The following MARCHF6 variants were observed in gnomAD, a reference collection of about 807,000 sequenced individuals.
The protein encoded by MARCHF6 is E3 ubiquitin-protein ligase MARCHF6.
MARCHF6 carries 31 observed loss-of-function variants against 133.7 expected under a neutral mutation model. The observed-to-expected ratio is 0.23, with a 90% confidence interval of 0.17 to 0.31. MARCHF6 has a LOEUF of 0.31. Among genes scored for constraint, MARCHF6 ranks in the 10% least tolerant of loss-of-function variants. The pLI, the probability that MARCHF6 is intolerant of heterozygous loss-of-function variation, is 1.00. For missense variants in MARCHF6, 723 were observed against 1,121.6 expected (o/e 0.64, Z 5.08); for synonymous variants, 395 against 402.5 (o/e 0.98, Z 0.22).
intron 15 of MARCHF6, 45 bp downstream of exon 15, chr5:10,403,586 A>G (rs1296851707): frequency 6.4e-7 from 1 of 1,552,412 alleles, no homozygotes; most frequent in East Asian, 2.3e-5. Flanking sequence ...TATAAAAAGG[A>G]CTTTTGCTTT....
chr5:10,378,732 T>A (rs1260048078), intron 2 of MARCHF6, 27 bp from the exon 3 acceptor site: 1 of 1,372,372 alleles, frequency 7.3e-7, no homozygotes, highest in Non-Finnish European at 1.0e-6. Flanking sequence ...GTAAACACTG[T>A]ACTTATGAAT....
At chr5:10,397,605 A>G (rs1321697872) in intron 10 of MARCHF6, among the ~76,000 whole-genome samples, 1 of 151,848 alleles carries the variant, frequency 6.6e-6, no homozygotes. Context: ...AGCTGGTTTT[A>G]GACCGACTTG....
intron 1 of MARCHF6, among the ~76,000 whole-genome samples, chr5:10,363,997 G>A (rs1313468782): frequency 6.6e-6 from 1 of 152,156 alleles, no homozygotes; most frequent in Non-Finnish European, 1.5e-5. Context: ...GTTTCCTTTT[G>A]GGATGATGAT....
At chr5:10,424,690 A>C (rs1013728480) in intron 23 of MARCHF6, among the ~76,000 whole-genome samples, 3 of 152,206 alleles carry the variant, frequency 2.0e-5, no homozygotes, top group Admixed American at 6.5e-5. Flanking sequence ...GGTTGATATT[A>C]ATGTTTCTAA....
chr5:10,374,483 C>T (rs559374226), intron 1 of MARCHF6, among the ~76,000 whole-genome samples: 1 of 152,248 alleles, frequency 6.6e-6, no homozygotes, highest in African/African-American at 2.4e-5. Context: ...CGTGGGCTGC[C>T]TGGATACTGC....
In MARCHF6 at chr5:10,402,197, T is replaced by C. The variant is rs955992734; in HGVS notation, c.1053+58T>C. 21 of 1,241,136 alleles carry C rather than the reference T, an allele frequency of 1.7e-5. No individual in the cohort carries two copies. The Admixed American group carries it at 3.8e-4, about 22-fold the overall frequency. The allele number at this position is 1,241,136 out of a possible 1,614,324, so 76.9% of individuals were successfully genotyped here. A position where few individuals can be genotyped will look rare whatever the true frequency, so the allele number is the denominator to read the frequency against. ...TAATATTATTCATACCAAAGAACTC[T>C]TCATTAATGGCGAAACTTGTCTATC... is the stretch of plus-strand genomic sequence containing the variant. On this transcript the variant is annotated intron_variant, in intron 12 of 25. Coordinates refer to ENST00000274140, the MANE Select transcript of MARCHF6 (RefSeq NM_005885.4).
At chr5:10,425,716 C>T (rs1248805861) in intron 23 of MARCHF6, among the ~76,000 whole-genome samples, 2 of 152,196 alleles carry the variant, frequency 1.3e-5, no homozygotes, top group East Asian at 1.9e-4. Context: ...AAGAAAATAA[C>T]AGCCTTCTAA....
chr5:10,359,281 G>A (rs958366118), intron 1 of MARCHF6, among the ~76,000 whole-genome samples: 1 of 152,176 alleles, frequency 6.6e-6, no homozygotes, highest in African/African-American at 2.4e-5. Flanking sequence ...GTTTGTAGCT[G>A]TGGTTGCTGG....
intron 5 of MARCHF6, among the ~76,000 whole-genome samples, chr5:10,388,344 T>A (rs187060352): frequency 2.0e-5 from 3 of 152,330 alleles, no homozygotes; most frequent in Non-Finnish European, 2.9e-5. Flanking sequence ...TGTTTTACAC[T>A]CTCTATAGAA....
At chr5:10,420,604 G>T (rs1739775483) in intron 22 of MARCHF6, among the ~76,000 whole-genome samples, 1 of 152,234 alleles carries the variant, frequency 6.6e-6, no homozygotes, top group South Asian at 2.1e-4. Flanking sequence ...CTGTTAGCCA[G>T]GCCTTAGTGT....
chr5:10,403,300 A>G, intron 14 of MARCHF6, 107 bp from the exon 15 acceptor site: 5 of 1,060,208 alleles, frequency 4.7e-6, no homozygotes, highest in African/African-American at 1.6e-5. Flanking sequence ...AGTTCTAGGA[A>G]TTGTTCCTTG....
intron 1 of MARCHF6, among the ~76,000 whole-genome samples, chr5:10,354,908 ATAT>A (rs1217327435): frequency 6.6e-6 from 1 of 152,178 alleles, no homozygotes; most frequent in African/African-American, 2.4e-5. Flanking sequence ...AAAAAGTTTG[ATAT>A]TATCTATGTA....
intron 10 of MARCHF6, among the ~76,000 whole-genome samples, chr5:10,398,510 A>G (rs533753402): frequency 2.6e-5 from 4 of 151,974 alleles, no homozygotes; most frequent in Admixed American, 2.6e-4. Context: ...GGGTGTCTGT[A>G]TGTTATCCTG....
intron 1 of MARCHF6, among the ~76,000 whole-genome samples, chr5:10,373,889 T>G (rs1736610740): frequency 6.6e-6 from 1 of 152,150 alleles, no homozygotes; most frequent in South Asian, 2.1e-4. Context: ...GTTCAGCTCC[T>G]ATATAGATAA....
At chr5:10,415,180 A>G (rs890769178) in intron 20 of MARCHF6, among the ~76,000 whole-genome samples, 3 of 152,214 alleles carry the variant, frequency 2.0e-5, no homozygotes, top group Non-Finnish European at 4.4e-5. Flanking sequence ...GGTGATAAAA[A>G]CAATGAAAAC....
rs760712348 is a variant in MARCHF6, at chr5:10,381,819, T to C, written c.210T>C (p.Pro70=). Residue 70 remains proline, a synonymous_variant, in exon 4 of 26, where the codon CCT becomes CCC. Coordinates refer to ENST00000274140, the MANE Select transcript of MARCHF6 (RefSeq NM_005885.4). ...AFTPIYSPDM[P]SRLPIQDIFA... ...TTATAGTTTATTCTCCAGATATGCC[T>C]TCACGGCTTCCAATTCAAGACATAT... The C allele has an allele frequency of 1.7e-5, 28 of 1,608,538 alleles. No individual in the cohort carries two copies. The South Asian group carries it at 2.9e-4, about 17-fold the overall frequency.
chr5:10,368,711 C>T (rs1579528695), intron 1 of MARCHF6, among the ~76,000 whole-genome samples: 1 of 152,188 alleles, frequency 6.6e-6, no homozygotes, highest in Middle Eastern at 3.4e-3. Context: ...TCGCAAGTAG[C>T]TGGTACTACA....
At chr5:10,377,612 AT>A (rs1248159951) in intron 1 of MARCHF6, among the ~76,000 whole-genome samples, 185 bp from the exon 2 acceptor site, 1 of 152,184 alleles carries the variant, frequency 6.6e-6, no homozygotes, top group Non-Finnish European at 1.5e-5. Context: ...TTATTTAGGA[AT>A]TTTTTAGTTT....
chr5:10,361,607 A>G (rs1381490790), intron 1 of MARCHF6, among the ~76,000 whole-genome samples: 1 of 152,140 alleles, frequency 6.6e-6, no homozygotes. Flanking sequence ...GTCTCCAAAT[A>G]TAGTTACATT....
Sources: allele counts gnomAD v4.1 joint callset (sites outside exome capture counted in the v4.1 genomes callset), GRCh38; gene constraint gnomAD v4.1.1; transcripts MANE v1.5; gene names NCBI Gene and HGNC (gene_info 2026-07-23, HGNC 2026-07-21).